Variants in KIFC3 observed in about 807,000 individuals in gnomAD.
KIFC3 encodes kinesin-like protein KIFC3.
In KIFC3, 60 loss-of-function variants were observed where a neutral mutation model predicts 101.8. The observed-to-expected ratio is 0.59, with a 90% CI of 0.48 to 0.73. KIFC3 has a LOEUF of 0.73. KIFC3 is among the 30% of genes least tolerant of loss of function. The pLI is 0.00. For missense variants in KIFC3, 966 were observed against 1,137.1 expected, an observed-to-expected ratio of 0.85 and a Z score of 2.16; for synonymous variants, 476 against 482.7, an observed-to-expected ratio of 0.99 and a Z score of 0.18.
intron 1 of KIFC3, among the ~76,000 whole-genome samples, chr16:57,828,506 A>G (rs2055505757): frequency 6.6e-6 from 1 of 152,214 alleles, no homozygotes; most frequent in Non-Finnish European, 1.5e-5. Flanking sequence ...GCTGCTTGTC[A>G]TCATCTACCT....
intron 11 of KIFC3, among the ~76,000 whole-genome samples, 183 bp downstream of exon 11, chr16:57,765,276 C>T (rs2050357888): frequency 6.6e-6 from 1 of 152,108 alleles, no homozygotes; most frequent in Admixed American, 6.5e-5. Flanking sequence ...CTTTCAAGGG[C>T]TTCAGTCTTA....
chr16:57,853,052 A>C (rs575530366), intron 1 of KIFC3, among the ~76,000 whole-genome samples: 3 of 152,252 alleles, frequency 2.0e-5, no homozygotes, highest in African/African-American at 4.8e-5. Context: ...CAAGGAAAAA[A>C]TGTTAAAACA....
chr16:57,773,076 C>T (rs376802457), intron 3 of KIFC3, among the ~76,000 whole-genome samples: 20 of 152,322 alleles, frequency 1.3e-4, no homozygotes, highest in African/African-American at 4.6e-4. Context: ...CTCACATCAG[C>T]CCACCCCCAG....
rs1555628724 is a variant in KIFC3 at position 57,816,088 on chromosome 16, GGATGTGGTCAAAT to G, written c.109-17819_109-17807del. ...GTGGCCATCCACGTACCCACAGGAA[GGATGTGGTCAAAT>G]CCTCTTACCAGTGGCTCTGAACCAT... is the stretch of plus-strand genomic sequence containing the variant. On this transcript the variant is annotated intron_variant, in intron 1 of 2. Coordinates refer to the KIFC3 transcript ENST00000563028. 5.4e-6 allele frequency: 4 copies of G among 746,290 alleles called. No individual in the cohort carries two copies. In the East Asian group the frequency reaches 2.6e-4, roughly 49 times the overall value. 46.2% of individuals were successfully genotyped at this position (746,290 alleles called of 1,614,324 possible). A position where few individuals can be genotyped will look rare whatever the true frequency, so the allele number is the denominator to read the frequency against.
chr16:57,769,703 G>T lies in KIFC3; in HGVS notation c.1110C>A (p.Thr370=), dbSNP rs1555605897. Residue 370 remains threonine (T), a synonymous_variant, in exon 9 of 20, where the codon ACC becomes ACA. Transcript: ENST00000445690. The surrounding 1 kb of genome is among the most constrained non-coding windows in gnomAD (Gnocchi z 4.3). Reference sequence around the variant, plus strand: ...TGAGGGTCCGCAGTGCCGGCTGCAAGGTCAGCAAGTTGGTCCGGACGCCTA... The same window carrying T: ...TGAGGGTCCGCAGTGCCGGCTGCAATGTCAGCAAGTTGGTCCGGACGCCTA... ...NLAGVRTNLL[T]LQPALRTLTN... 2 of 1,613,010 alleles carry T rather than the reference G, an allele frequency of 1.2e-6. No homozygotes were observed. The highest frequency in any genetic ancestry group is 1.7e-6 in the Non-Finnish European group (2 of 1,179,980).
chr16:57,771,831 A>G, intron 4 of KIFC3, 145 bp from the exon 5 acceptor site: 1 of 1,047,204 alleles, frequency 9.5e-7, no homozygotes, highest in Non-Finnish European at 1.3e-6. Flanking sequence ...GAAAAAGAAA[A>G]AGGCAAGGGC....
intron 19 of KIFC3, 43 bp downstream of exon 19, chr16:57,759,082 G>T: frequency 6.5e-7 from 1 of 1,548,358 alleles, no homozygotes; most frequent in Non-Finnish European, 8.7e-7. Context: ...ACCCACTGCG[G>T]GCAGGCAGGC....
chr16:57,768,386 A>G (rs962475747), intron 9 of KIFC3, among the ~76,000 whole-genome samples: 2 of 152,058 alleles, frequency 1.3e-5, no homozygotes, highest in African/African-American at 4.8e-5. Context: ...GTTATATGTT[A>G]TTTTTTATTT....
chr16:57,844,594 C>T (rs557557817), intron 1 of KIFC3, among the ~76,000 whole-genome samples: 28 of 152,226 alleles, frequency 1.8e-4, no homozygotes, highest in Non-Finnish European at 2.8e-4. Context: ...GCTGGAGCTG[C>T]GCCAGTGCCA....
In KIFC3 at chr16:57,827,102, G is replaced by A. The variant is rs192725491; in HGVS notation, c.109-28820C>T. 1.2e-3 allele frequency among the ~76,000 whole-genome samples: 187 copies of A among 152,382 alleles called. 2 individuals carry two copies. Among genetic ancestry groups the A allele is most frequent in the Admixed American group, 0.011 (173 of 15,306 alleles). ...AAGAGTCACTTCAGGAAAGGAGCGT[G>A]CAGAAAGCATGGACCCCGTCATCTC... On this transcript the variant is annotated intron_variant, in intron 1 of 2. Coordinates refer to the KIFC3 transcript ENST00000563028.
At chr16:57,815,436 G>A (rs1472207099) in intron 1 of KIFC3, 2 of 1,186,816 alleles carry the variant, frequency 1.7e-6, no homozygotes, top group Non-Finnish European at 2.1e-6. Flanking sequence ...TCCCCTCCAA[G>A]CATTTTCCAA....
chr16:57,805,590 C>A (rs1184037525), upstream of KIFC3, among the ~76,000 whole-genome samples: 2 of 151,940 alleles, frequency 1.3e-5, no homozygotes, highest in Non-Finnish European at 2.9e-5. Flanking sequence ...CGCCCACATC[C>A]ACCCCATCCC....
At chr16:57,798,737 A>G (rs2054536950) in intron 1 of KIFC3, 1 of 192,412 alleles carries the variant, frequency 5.2e-6, no homozygotes, top group Non-Finnish European at 1.1e-5. Context: ...CTGTCAGCAG[A>G]GCAGTGAATG....
chr16:57,841,385 G>A (rs1413037491), intron 1 of KIFC3, among the ~76,000 whole-genome samples: 1 of 152,202 alleles, frequency 6.6e-6, no homozygotes, highest in Non-Finnish European at 1.5e-5. Flanking sequence ...TGAAACCCAG[G>A]CCAGGCGCAG....
chr16:57,841,185 AAAG>A (rs2055803176), intron 1 of KIFC3, among the ~76,000 whole-genome samples: 1 of 152,218 alleles, frequency 6.6e-6, no homozygotes, highest in African/African-American at 2.4e-5. Context: ...AAAATAATTC[AAAG>A]GAGGACATGG....
At position 57,802,436 on chromosome 16, in the gene KIFC3, G is replaced by C. The variant is rs1364714507; in HGVS notation, c.-106C>G. On this transcript the variant is annotated 5_prime_UTR_variant, in exon 1 of 20. Transcript: ENST00000445690. This position sits in a 1 kb window ranked among gnomAD's most constrained non-coding sequence, Gnocchi z 5.0. ...GGGGCTCGGCCCGGCCCGGCCCGCC[G>C]GCAGGAGGCAGCTCCACGCCGCCGC... 5 of 982,776 alleles carry C rather than the reference G, an allele frequency of 5.1e-6. No individual in the cohort carries two copies. The highest frequency in any genetic ancestry group is 1.8e-5 in the African/African-American group (1 of 56,918). 60.9% of individuals were successfully genotyped at this position (982,776 alleles called of 1,614,324 possible).
chr16:57,772,401 CTGTG>C, intron 3 of KIFC3, 113 bp from the exon 4 acceptor site: 3 of 870,316 alleles, frequency 3.4e-6, no homozygotes, highest in Non-Finnish European at 3.7e-6. Flanking sequence ...TCTTCTAAGG[CTGTG>C]GCCTTAGGTT....
In KIFC3 at chr16:57,759,722, G is replaced by A. The variant is rs1188879260; in HGVS notation, c.2476+6C>T. 3 of 1,603,780 alleles carry A rather than the reference G, an allele frequency of 1.9e-6. No individual in the cohort carries two copies. The African/African-American group carries it at 4.0e-5, about 21-fold the overall frequency. On this transcript the variant is annotated splice_donor_region_variant and intron_variant, in intron 18 of 19. Transcript: ENST00000445690. ...CTCCCCACCCACACTGCCACTCCAGGCTCACCCGAGGGCTGCAGCTTCCTC... is the reference window on the plus strand; with the variant it reads ...CTCCCCACCCACACTGCCACTCCAGACTCACCCGAGGGCTGCAGCTTCCTC...
intron 1 of KIFC3, among the ~76,000 whole-genome samples, chr16:57,860,022 AAAAATAAAAT>A (rs547546702): frequency 0.084 from 7,235 of 86,614 alleles, 316 homozygotes; most frequent in East Asian, 0.11. Context: ...ACTCTGTCTC[AAAAATAAAAT>A]AAAATAAAAT....
Sources: allele counts gnomAD v4.1 joint callset (sites outside exome capture counted in the v4.1 genomes callset), GRCh38; gene constraint gnomAD v4.1.1; non-coding constraint Gnocchi (gnomAD v3.1); transcripts MANE v1.5; gene names NCBI Gene and HGNC (gene_info 2026-07-23, HGNC 2026-07-21).